Variants in NWD2 observed in about 807,000 individuals in gnomAD.
The protein encoded by NWD2 is NACHT and WD repeat domain-containing protein 2.
NWD2 carries 37 observed loss-of-function variants against 132.7 expected under a neutral mutation model. That is an observed-to-expected ratio of 0.28 (90% CI 0.21 to 0.37). The LOEUF (loss-of-function observed/expected upper bound fraction) is 0.37. NWD2 is among the 10% of genes least tolerant of loss of function. The pLI is 1.00. For missense variants in NWD2, 1,592 were observed against 2,122.4 expected (o/e 0.75, Z 4.91); for synonymous variants, 705 against 803.0 (o/e 0.88, Z 2.06).
chr4:37,349,931 A>T (rs1719726736), intron 2 of NWD2, among the ~76,000 whole-genome samples: 1 of 152,186 alleles, frequency 6.6e-6, no homozygotes, highest in Non-Finnish European at 1.5e-5. Flanking sequence ...AGCACCATTT[A>T]TTAAATAGGG....
intron 2 of NWD2, among the ~76,000 whole-genome samples, chr4:37,329,800 T>C (rs1719254938): frequency 6.6e-6 from 1 of 152,108 alleles, no homozygotes; most frequent in Admixed American, 6.6e-5. Flanking sequence ...GTTCTATGAG[T>C]AGAATACAAT....
rs376055013 is a variant in NWD2 at position 37,446,749 on chromosome 4, G to A, written c.4761G>A (p.Gly1587=). The change falls in exon 7 of 7, where the codon GGG becomes GGA. Residue 1587 remains glycine, a synonymous_variant. Transcript: ENST00000309447. The surrounding 1 kb of genome is among the most constrained non-coding windows in gnomAD (Gnocchi z 6.7). ...TGGTATACATTTGTTTCCGAAATGG[G>A]GAGGAGGAGGATGAAAATGGTGCAA... ...RYLVYICFRN[G]EEEDENGAIF... is the part of the protein sequence containing the mutation. The A allele has an allele frequency of 1.6e-4, 246 of 1,551,512 alleles. 2 individuals are homozygous for A. In the East Asian group the frequency reaches 5.4e-3, roughly 34 times the overall value.
chr4:37,439,536 T>C lies in NWD2; in HGVS notation c.1296+146T>C. On this transcript the variant is annotated intron_variant, in intron 6 of 6. Coordinates refer to ENST00000309447, the MANE Select transcript of NWD2 (RefSeq NM_001144990.2). This position sits in a 1 kb window ranked among gnomAD's most constrained non-coding sequence, Gnocchi z 4.5. ...GAGTGAATACTGCAGTGCTTCTTTTTTGCTGGTATAACAGTTATATTGAGA... is the reference window on the plus strand; with the variant it reads ...GAGTGAATACTGCAGTGCTTCTTTTCTGCTGGTATAACAGTTATATTGAGA... The C allele has an allele frequency of 1.8e-6, 1 of 566,812 alleles. No individual in the cohort carries two copies. The highest frequency in any genetic ancestry group is 2.9e-6 in the Non-Finnish European group (1 of 339,326). The allele number at this position is 566,812 out of a possible 1,614,324, so 35.1% of individuals were successfully genotyped here. A position where few individuals can be genotyped will look rare whatever the true frequency, so the allele number is the denominator to read the frequency against.
chr4:37,347,138 G>A (rs1577675286), intron 2 of NWD2, among the ~76,000 whole-genome samples: 1 of 151,930 alleles, frequency 6.6e-6, no homozygotes, highest in African/African-American at 2.4e-5. Context: ...TTTTTTGTAT[G>A]ATTGATTTAT....
At chr4:37,303,598 A>G (rs1014219164) in intron 1 of NWD2, among the ~76,000 whole-genome samples, 3 of 151,994 alleles carry the variant, frequency 2.0e-5, no homozygotes, top group Non-Finnish European at 4.4e-5. Context: ...TCATTTTTGT[A>G]TGTCCTCTTC....
At chr4:37,369,799 A>G (rs1720179225) in intron 3 of NWD2, among the ~76,000 whole-genome samples, 1 of 152,196 alleles carries the variant, frequency 6.6e-6, no homozygotes, top group Admixed American at 6.5e-5. Flanking sequence ...TGGAGGTCAA[A>G]TATTCTCTTC....
At chr4:37,420,943 A>T (rs148191392) in intron 3 of NWD2, among the ~76,000 whole-genome samples, 1 of 152,240 alleles carries the variant, frequency 6.6e-6, no homozygotes, top group East Asian at 1.9e-4. Flanking sequence ...CTTTTGGCCC[A>T]CAGATCCACA....
intron 1 of NWD2, among the ~76,000 whole-genome samples, chr4:37,317,556 A>C (rs1207630274): frequency 2.0e-5 from 3 of 152,140 alleles, no homozygotes; most frequent in African/African-American, 7.2e-5. Context: ...TGAAGGTGTG[A>C]AGTCTCAGTT....
At chr4:37,313,277 G>A (rs1577664684) in intron 1 of NWD2, among the ~76,000 whole-genome samples, 1 of 151,008 alleles carries the variant, frequency 6.6e-6, no homozygotes, top group South Asian at 2.1e-4. Context: ...TTTGGTTGGT[G>A]AGCTGTTGAT....
intron 3 of NWD2, among the ~76,000 whole-genome samples, chr4:37,392,319 G>C (rs1404800924): frequency 6.6e-6 from 1 of 152,204 alleles, no homozygotes; most frequent in Non-Finnish European, 1.5e-5. Context: ...CTGAAGACTA[G>C]AACGTGGATG....
intron 1 of NWD2, among the ~76,000 whole-genome samples, chr4:37,305,406 T>A (rs1019400935): frequency 5.3e-5 from 8 of 152,234 alleles, no homozygotes; most frequent in African/African-American, 1.9e-4. Flanking sequence ...AGAAAATAGG[T>A]CTTTCTTTTC....
intron 1 of NWD2, among the ~76,000 whole-genome samples, chr4:37,306,901 G>A (rs1718719779): frequency 6.6e-6 from 1 of 152,010 alleles, no homozygotes; most frequent in Admixed American, 6.6e-5. Context: ...GCACACGCCT[G>A]TATTCACAGC....
intron 3 of NWD2, among the ~76,000 whole-genome samples, chr4:37,398,414 C>T (rs558434689): frequency 6.6e-6 from 1 of 152,140 alleles, no homozygotes; most frequent in African/African-American, 2.4e-5. Flanking sequence ...AGCACATGGA[C>T]ACAGGGAGGG....
At chr4:37,380,263 C>G (rs1312458607) in intron 3 of NWD2, among the ~76,000 whole-genome samples, 2 of 152,146 alleles carry the variant, frequency 1.3e-5, no homozygotes, top group East Asian at 3.9e-4. Flanking sequence ...CTTAACCTAC[C>G]TAGGATTGGG....
intron 3 of NWD2, among the ~76,000 whole-genome samples, chr4:37,365,386 C>A (rs1369051187): frequency 6.6e-6 from 1 of 152,016 alleles, no homozygotes; most frequent in Non-Finnish European, 1.5e-5. Context: ...TTCTACCAAC[C>A]AAAATGTATT....
intron 1 of NWD2, among the ~76,000 whole-genome samples, chr4:37,315,419 G>C (rs1718936883): frequency 6.6e-6 from 1 of 151,998 alleles, no homozygotes; most frequent in South Asian, 2.1e-4. Flanking sequence ...AATTTTGCCA[G>C]CTTCTCCGTT....
intron 2 of NWD2, among the ~76,000 whole-genome samples, chr4:37,347,891 G>C (rs1281530559): frequency 2.6e-5 from 4 of 152,164 alleles, no homozygotes; most frequent in Admixed American, 2.0e-4. Flanking sequence ...ATAGTTCTTG[G>C]TTTGTGCATG....
intron 5 of NWD2, among the ~76,000 whole-genome samples, chr4:37,434,705 G>C (rs1244423201): frequency 6.6e-6 from 1 of 151,718 alleles, no homozygotes; most frequent in Admixed American, 6.6e-5. Context: ...GGGAGCAACA[G>C]ATTTAAGATC....
At chr4:37,379,003 C>A (rs189872021) in intron 3 of NWD2, among the ~76,000 whole-genome samples, 1 of 152,322 alleles carries the variant, frequency 6.6e-6, no homozygotes, top group Non-Finnish European at 1.5e-5. Flanking sequence ...TGTAACTCAA[C>A]TTTCAAGCTA....
Sources: gnomAD v4.1 joint callset for allele counts (sites outside exome capture counted in the v4.1 genomes callset) on GRCh38, gnomAD v4.1.1 for gene constraint, Gnocchi (gnomAD v3.1) non-coding constraint, MANE v1.5 for transcripts, NCBI Gene and HGNC (gene_info 2026-07-23, HGNC 2026-07-21) for gene names.